Variants in PDCD11 observed in about 807,000 individuals in gnomAD.
PDCD11 encodes the protein programmed cell death 11.
PDCD11 carries 97 observed loss-of-function variants against 198.9 expected under a neutral mutation model. The ratio of observed to expected loss-of-function variants is 0.49; its 90% confidence interval spans 0.41 to 0.58. The LOEUF (loss-of-function observed/expected upper bound fraction) is 0.58, where lower values mean the gene tolerates loss of function less well. Ranked by LOEUF, PDCD11 falls within the 20% of genes least tolerant of loss-of-function variation. The probability of loss-of-function intolerance (pLI) is 0.00; values close to 1 mark genes in which losing one functional copy is unlikely to be tolerated. For missense variants in PDCD11, 2,102 were observed against 2,312.7 expected, an observed-to-expected ratio of 0.91 and a Z score of 1.87; for synonymous variants, 893 against 918.0, an observed-to-expected ratio of 0.97 and a Z score of 0.49.
intron 13 of PDCD11, among the ~76,000 whole-genome samples, chr10:103,417,371 C>T (rs2031168130): frequency 6.6e-6 from 1 of 152,064 alleles, no homozygotes; most frequent in African/African-American, 2.4e-5. Context: ...GGGATTTTGC[C>T]ATGTTGGCCA....
chr10:103,439,631 G>A, intron 27 of PDCD11, 115 bp from the exon 28 acceptor site: 1 of 1,187,070 alleles, frequency 8.4e-7, no homozygotes. Flanking sequence ...AGGAACTTAT[G>A]TCTGTCACAA....
Position 103,418,049 on chromosome 10 carries a change from T to C in PDCD11, c.1911+117T>C, listed in dbSNP as rs2031212784. On this transcript the variant is annotated intron_variant, in intron 14 of 35. Coordinates refer to ENST00000369797, the MANE Select transcript of PDCD11 (RefSeq NM_014976.2). ...GAAAGATAGAGGTAGCTAGATAAGATTTTGGGGCTAGAGGGGTTCATACGC... is the reference window on the plus strand; with the variant it reads ...GAAAGATAGAGGTAGCTAGATAAGACTTTGGGGCTAGAGGGGTTCATACGC... 5 of 1,192,928 alleles carry C rather than the reference T, an allele frequency of 4.2e-6. No homozygotes were observed. The South Asian group carries it at 6.5e-5, about 15-fold the overall frequency. 73.9% of individuals were successfully genotyped at this position (1,192,928 alleles called of 1,614,324 possible). A position where few individuals can be genotyped will look rare whatever the true frequency, so the allele number is the denominator to read the frequency against.
At chr10:103,410,194 C>T (rs551472299) in intron 8 of PDCD11, among the ~76,000 whole-genome samples, 1 of 150,332 alleles carries the variant, frequency 6.7e-6, no homozygotes, top group African/African-American at 2.4e-5. Flanking sequence ...GAGATCGTGC[C>T]ACTGCACTCC....
chr10:103,442,052 G>A (rs920753808), intron 31 of PDCD11, 77 bp downstream of exon 31: 22 of 1,581,476 alleles, frequency 1.4e-5, no homozygotes, highest in Middle Eastern at 1.7e-4. Flanking sequence ...TCCTAGACTG[G>A]GTGTCTTCCT....
In PDCD11 at chr10:103,415,075, C is replaced by T. The variant is rs180760747; in HGVS notation, c.1442C>T (p.Pro481Leu). Residue 481 changes from proline to leucine, a missense_variant, in exon 12 of 36, where the codon CCT (proline) becomes CTT (leucine). Transcript: ENST00000369797. The part of the protein sequence containing the change: ...KVGEQMRGLV[P>L]PMHLADILMK... ...GGCGAGCAGATGAGGGGCCTGGTAC[C>T]TCCCATGCACCTGGCTGACATCCTG... 1.9e-6 allele frequency: 3 copies of T among 1,613,746 alleles called. No homozygotes were observed. Among genetic ancestry groups the T allele is most frequent in the African/African-American group, 1.3e-5 (1 of 74,904 alleles).
intron 23 of PDCD11, 96 bp downstream of exon 23, chr10:103,434,133 G>T (rs759512648): frequency 8.6e-5 from 108 of 1,255,014 alleles, no homozygotes; most frequent in Non-Finnish European, 1.2e-4. Context: ...GAGGAAGCTT[G>T]TTCTTTATTT....
chr10:103,424,459 A>G (rs367905994), intron 19 of PDCD11, among the ~76,000 whole-genome samples: 31 of 152,302 alleles, frequency 2.0e-4, no homozygotes, highest in Middle Eastern at 3.4e-3. Context: ...CCATTTTATC[A>G]CCTAAGGGAA....
At chr10:103,444,844 C>T (rs1465602697) in intron 35 of PDCD11, among the ~76,000 whole-genome samples, 162 bp downstream of exon 35, 1 of 152,214 alleles carries the variant, frequency 6.6e-6, no homozygotes, top group African/African-American at 2.4e-5. Context: ...CCTCTTTCTG[C>T]CTCAAAGGCC....
chr10:103,439,892 C>G (rs2032307071), intron 28 of PDCD11, 24 bp downstream of exon 28: 1 of 1,613,932 alleles, frequency 6.2e-7, no homozygotes, highest in Admixed American at 1.7e-5. Context: ...CGTTCTCTCT[C>G]TCTCTGTAAT....
Position 103,418,042 on chromosome 10 carries a change from G to C in PDCD11, c.1911+110G>C, listed in dbSNP as rs2031212313. 3.1e-6 allele frequency: 4 copies of C among 1,284,980 alleles called. No homozygotes were observed. The South Asian group carries it at 5.0e-5, about 16-fold the overall frequency. 79.6% of individuals were successfully genotyped at this position (1,284,980 alleles called of 1,614,324 possible). ...CGAAGCGGAAAGATAGAGGTAGCTA[G>C]ATAAGATTTTGGGGCTAGAGGGGTT... On this transcript the variant is annotated intron_variant, in intron 14 of 35. Transcript: ENST00000369797.
intron 4 of PDCD11, among the ~76,000 whole-genome samples, chr10:103,403,984 A>G (rs1443595010): frequency 6.6e-6 from 1 of 152,032 alleles, no homozygotes; most frequent in East Asian, 1.9e-4. Context: ...ATTGGGAGAG[A>G]TGATCATGAT....
chr10:103,440,076 G>A (rs1489731312), intron 28 of PDCD11, among the ~76,000 whole-genome samples: 2 of 152,178 alleles, frequency 1.3e-5, no homozygotes, highest in Non-Finnish European at 2.9e-5. Context: ...CTGTTGTTGG[G>A]GATGGTGGAG....
intron 7 of PDCD11, among the ~76,000 whole-genome samples, chr10:103,407,841 CCCG>C (rs2030555381): frequency 1.3e-5 from 2 of 152,006 alleles, no homozygotes; most frequent in African/African-American, 4.8e-5. Flanking sequence ...GCCTCAGCCT[CCCG>C]AGTAGCTGGG....
At chr10:103,423,348 A>T (rs1351978885) in intron 18 of PDCD11, among the ~76,000 whole-genome samples, 195 bp from the exon 19 acceptor site, 1 of 152,214 alleles carries the variant, frequency 6.6e-6, no homozygotes, top group Non-Finnish European at 1.5e-5. Context: ...ATATTAGGTT[A>T]CATAAATTAA....
Position 103,438,734 on chromosome 10 carries a change from C to T in PDCD11, c.3951C>T (p.Ser1317=). 6.2e-7 allele frequency: 1 copy of T among 1,614,130 alleles called. No homozygotes were observed. Among genetic ancestry groups the T allele is most frequent in the Non-Finnish European group, 8.5e-7 (1 of 1,180,018 alleles). ...AAGTAGAAGATCCAGAGATTAACTC[C>T]ATCCAGGACATTAAGGAAGGGCAGC... The part of the protein sequence containing the change: ...KSKVEDPEIN[S]IQDIKEGQLL... Residue 1317 remains serine (S), a synonymous_variant, in exon 27 of 36, where the codon TCC becomes TCT. Coordinates refer to ENST00000369797, the MANE Select transcript of PDCD11 (RefSeq NM_014976.2).
chr10:103,428,757 G>A (rs1273299667), intron 21 of PDCD11, among the ~76,000 whole-genome samples: 1 of 152,170 alleles, frequency 6.6e-6, no homozygotes, highest in Non-Finnish European at 1.5e-5. Context: ...TGCTGGTGTT[G>A]GAAGACTATG....
intron 35 of PDCD11, among the ~76,000 whole-genome samples, chr10:103,444,947 T>C (rs758565352): frequency 5.9e-5 from 9 of 152,338 alleles, no homozygotes; most frequent in Non-Finnish European, 8.8e-5. Context: ...CTGACTCTCA[T>C]TGTAGACTAC....
chr10:103,426,564 G>A (rs567920090), intron 20 of PDCD11, among the ~76,000 whole-genome samples: 2 of 152,248 alleles, frequency 1.3e-5, no homozygotes, highest in East Asian at 1.9e-4. Flanking sequence ...GGAGGCTGAG[G>A]TGGGTGGATC....
intron 1 of PDCD11, 102 bp from the exon 2 acceptor site, chr10:103,398,314 T>C (rs1427660661): frequency 1.2e-5 from 9 of 723,640 alleles, no homozygotes; most frequent in Admixed American, 2.1e-5. Context: ...GAATGTTGTC[T>C]AGCATATTGC....
Sources: gnomAD v4.1 joint callset for allele counts (sites outside exome capture counted in the v4.1 genomes callset) on GRCh38, gnomAD v4.1.1 for gene constraint, MANE v1.5 for transcripts, NCBI Gene and HGNC (gene_info 2026-07-23, HGNC 2026-07-21) for gene names.